The following TIAM1 variants were observed in gnomAD, a reference collection of about 807,000 sequenced individuals.
TIAM1 encodes the protein rho guanine nucleotide exchange factor TIAM1.
A neutral mutation model predicts 163.5 loss-of-function variants in TIAM1; 65 were observed. The observed-to-expected ratio is 0.40, with a 90% CI of 0.33 to 0.49. The LOEUF (loss-of-function observed/expected upper bound fraction) is 0.49, where lower values mean the gene tolerates loss of function less well. TIAM1 is among the 20% of genes least tolerant of loss of function. TIAM1 has a pLI of 0.77. For missense variants in TIAM1, 1,789 were observed against 2,044.7 expected, an observed-to-expected ratio of 0.87 and a Z score of 2.41; for synonymous variants, 833 against 810.1, an observed-to-expected ratio of 1.03 and a Z score of -0.48.
chr21:31,504,997 C>A (rs1686336020), intron 1 of TIAM1, among the ~76,000 whole-genome samples: 1 of 152,138 alleles, frequency 6.6e-6, no homozygotes, highest in Admixed American at 6.6e-5. Context: ...CTCTGACAGT[C>A]CCGCACTGGA....
At chr21:31,313,651 C>T (rs572674818) in intron 2 of TIAM1, among the ~76,000 whole-genome samples, 1 of 152,104 alleles carries the variant, frequency 6.6e-6, no homozygotes, top group African/African-American at 2.4e-5. Context: ...CTTGGCTCAC[C>T]GCAACCTCCA....
chr21:31,315,198 C>T (rs1270706985), intron 2 of TIAM1, among the ~76,000 whole-genome samples: 2 of 152,020 alleles, frequency 1.3e-5, no homozygotes, highest in Admixed American at 6.6e-5. Flanking sequence ...TGGTGAAACT[C>T]CATCTCTACT....
At chr21:31,263,248 G>T (rs1167804749) in intron 4 of TIAM1, among the ~76,000 whole-genome samples, 1 of 152,202 alleles carries the variant, frequency 6.6e-6, no homozygotes, top group Non-Finnish European at 1.5e-5. Context: ...CAATGGCCCT[G>T]TGGGAGGCTG....
intron 2 of TIAM1, among the ~76,000 whole-genome samples, chr21:31,367,408 C>A (rs2076521667): frequency 6.6e-6 from 1 of 152,134 alleles, no homozygotes; most frequent in Non-Finnish European, 1.5e-5. Context: ...GACCAACAGG[C>A]CGAAATAACC....
At chr21:31,172,570 C>G (rs1181147948) in intron 15 of TIAM1, among the ~76,000 whole-genome samples, 2 of 152,172 alleles carry the variant, frequency 1.3e-5, no homozygotes, top group Non-Finnish European at 2.9e-5. Flanking sequence ...CATCCCAGTA[C>G]TGAGCACACT....
intron 2 of TIAM1, among the ~76,000 whole-genome samples, chr21:31,387,133 C>T (rs758118104): frequency 3.3e-5 from 5 of 151,714 alleles, no homozygotes; most frequent in Non-Finnish European, 7.4e-5. Flanking sequence ...GGGGAGCCCC[C>T]GTCCCACCCC....
intron 1 of TIAM1, among the ~76,000 whole-genome samples, chr21:31,501,864 A>T (rs1406787798): frequency 7.3e-6 from 1 of 136,114 alleles, no homozygotes; most frequent in Non-Finnish European, 1.5e-5. Flanking sequence ...CGGCCTCCCA[A>T]AGTGCTGGGA....
intron 1 of TIAM1, among the ~76,000 whole-genome samples, chr21:31,467,615 GGCTCCATCTCAAAAA>G (rs1164517667): frequency 6.6e-6 from 1 of 150,606 alleles, no homozygotes; most frequent in Non-Finnish European, 1.5e-5. Context: ...AACAAAGTGA[GGCTCCATCTCAAAAA>G]AAAAAAGAAT....
intron 2 of TIAM1, among the ~76,000 whole-genome samples, chr21:31,281,309 G>A (rs1027234769): frequency 5.3e-5 from 8 of 152,044 alleles, no homozygotes; most frequent in African/African-American, 1.9e-4. Context: ...CAGAAAAAAT[G>A]AGGACGTAAA....
chr21:31,466,030 C>T (rs1165138218), intron 1 of TIAM1, among the ~76,000 whole-genome samples: 6 of 152,112 alleles, frequency 3.9e-5, no homozygotes, highest in African/African-American at 1.4e-4. Flanking sequence ...GATATTCAGG[C>T]GAGGTTGAAC....
chr21:31,466,073 G>A (rs993384288), intron 1 of TIAM1, among the ~76,000 whole-genome samples: 2 of 152,182 alleles, frequency 1.3e-5, no homozygotes, highest in Non-Finnish European at 2.9e-5. Context: ...TCAATTCCAA[G>A]GTTTTATGAT....
At chr21:31,388,244 C>CAAACACACACACACAG (rs1569288036) in intron 2 of TIAM1, among the ~76,000 whole-genome samples, 4 of 123,486 alleles carry the variant, frequency 3.2e-5, no homozygotes, top group Admixed American at 8.0e-5. Flanking sequence ...CACACACACA[C>CAAACACACACACACAG]ACACACACAC....
intron 2 of TIAM1, among the ~76,000 whole-genome samples, chr21:31,432,091 CTTTTTTTTTTTTTTT>C (rs11291911): frequency 2.1e-5 from 2 of 93,664 alleles, no homozygotes; most frequent in Admixed American, 1.3e-4. Flanking sequence ...TCTAAGATTC[CTTTTTTTTTTTTTTT>C]TTTTTTTTTT....
At chr21:31,193,536 G>A (rs994207357) in intron 13 of TIAM1, among the ~76,000 whole-genome samples, 27 of 152,148 alleles carry the variant, frequency 1.8e-4, no homozygotes, top group African/African-American at 6.5e-4. Context: ...CTGAAACAGG[G>A]CCCGCTGAAG....
At chr21:31,278,166 A>G (rs2073386891) in intron 2 of TIAM1, among the ~76,000 whole-genome samples, 1 of 152,228 alleles carries the variant, frequency 6.6e-6, no homozygotes, top group Non-Finnish European at 1.5e-5. Context: ...AAAATGCTGA[A>G]AGAGAGTAAA....
chr21:31,364,113 T>C (rs941559071), intron 2 of TIAM1, among the ~76,000 whole-genome samples: 4 of 152,190 alleles, frequency 2.6e-5, no homozygotes, highest in Non-Finnish European at 4.4e-5. Context: ...TTCAGCATTT[T>C]ACAGGAAGGT....
chr21:31,319,781 A>G (rs1280838200), intron 2 of TIAM1, among the ~76,000 whole-genome samples: 1 of 40,656 alleles, frequency 2.5e-5, no homozygotes, highest in Non-Finnish European at 4.8e-5. Flanking sequence ...CTCTATCTCA[A>G]AAAAAAAAAA....
intron 2 of TIAM1, among the ~76,000 whole-genome samples, chr21:31,433,960 G>T (rs937552839): frequency 6.6e-5 from 10 of 152,008 alleles, no homozygotes; most frequent in African/African-American, 2.4e-4. Flanking sequence ...ACCACACCCG[G>T]CTAATTTTTG....
intron 2 of TIAM1, among the ~76,000 whole-genome samples, chr21:31,447,213 A>G (rs2044658440): frequency 6.6e-6 from 1 of 152,114 alleles, no homozygotes; most frequent in Non-Finnish European, 1.5e-5. Flanking sequence ...ACAAAGGGAA[A>G]CCCCAACTCT....
Sources: gnomAD v4.1 joint callset for allele counts (sites outside exome capture counted in the v4.1 genomes callset) on GRCh38, gnomAD v4.1.1 for gene constraint, MANE v1.5 for transcripts, NCBI Gene and HGNC (gene_info 2026-07-23, HGNC 2026-07-21) for gene names.